The following GUCY2C variants were observed in gnomAD, a reference collection of about 807,000 sequenced individuals.
The protein encoded by GUCY2C is guanylate cyclase 2C, also known as guanylyl cyclase C.
In GUCY2C, 118 loss-of-function variants were observed where a neutral mutation model predicts 131.1. The observed-to-expected ratio is 0.90, with a 90% confidence interval of 0.78 to 1.05. The LOEUF is 1.05. Ranked by LOEUF, GUCY2C falls within the 50% of genes least tolerant of loss-of-function variation. The pLI, the probability that GUCY2C is intolerant of heterozygous loss-of-function variation, is 0.00. For synonymous variants in GUCY2C, 452 were observed against 457.8 expected, an observed-to-expected ratio of 0.99 and a Z score of 0.16; for missense variants, 1,161 against 1,304.4, an observed-to-expected ratio of 0.89 and a Z score of 1.69.
At chr12:14,639,283 G>A (rs1284866332) in intron 19 of GUCY2C, among the ~76,000 whole-genome samples, 1 of 125,632 alleles carries the variant, frequency 8.0e-6, no homozygotes, top group Non-Finnish European at 1.6e-5. Context: ...CAGAGTGACA[G>A]AGCAAGACTC....
intron 12 of GUCY2C, among the ~76,000 whole-genome samples, chr12:14,654,313 C>T (rs1205980165): frequency 6.6e-6 from 1 of 152,154 alleles, no homozygotes; most frequent in African/African-American, 2.4e-5. Flanking sequence ...TGAACCACTA[C>T]CTGTCTGGTT....
rs574187851 is a variant in GUCY2C, at chr12:14,651,818, T to C, written c.1605+141A>G. 1.2e-5 allele frequency: 7 copies of C among 587,268 alleles called. No individual in the cohort carries two copies. In the East Asian group the frequency reaches 2.0e-4, roughly 17 times the overall value. 36.4% of individuals were successfully genotyped at this position (587,268 alleles called of 1,614,324 possible). On this transcript the variant is annotated intron_variant, in intron 14 of 26. Transcript: ENST00000261170. ...AACCTCACTTTCCAATATCTCTTGG[T>C]AGAATTTTCAACAAGAAATATAGTC...
chr12:14,622,152 T>C lies in GUCY2C; in HGVS notation c.2454A>G (p.Glu818=), dbSNP rs140108157. 1.3e-4 allele frequency: 209 copies of C among 1,594,486 alleles called. No individual in the cohort carries two copies. The highest frequency in any genetic ancestry group is 1.1e-3 in the African/African-American group (83 of 74,016). ...AGTAGATTGTAACTTCCTCATATAG[T>C]TCCGGCTCCACAAAGCCTTTCTCCT... ...SLKEKGFVEP[E]LYEEVTIYFS... The change falls in exon 22 of 27, where the codon GAA becomes GAG. Residue 818 remains glutamate (E), a synonymous_variant. Coordinates refer to ENST00000261170, the MANE Select transcript of GUCY2C (RefSeq NM_004963.4).
At chr12:14,634,372 A>G (rs371528326) in intron 19 of GUCY2C, among the ~76,000 whole-genome samples, 1 of 152,336 alleles carries the variant, frequency 6.6e-6, no homozygotes, top group African/African-American at 2.4e-5. Context: ...CCTCCCCTAC[A>G]AGAAATGCTT....
chr12:14,683,340 G>C, intron 3 of GUCY2C, 83 bp from the exon 4 acceptor site: 1 of 808,248 alleles, frequency 1.2e-6, no homozygotes, highest in Non-Finnish European at 2.1e-6. Context: ...ACCTGTTTCA[G>C]CATGTATGTA....
At chr12:14,682,465 C>A (rs1287655935) in intron 4 of GUCY2C, among the ~76,000 whole-genome samples, 2 of 152,142 alleles carry the variant, frequency 1.3e-5, no homozygotes, top group Non-Finnish European at 2.9e-5. Context: ...CTGGGGCCTC[C>A]CCAGCTATGC....
chr12:14,622,221 A>T (rs1253933500), intron 21 of GUCY2C, 24 bp from the exon 22 acceptor site: 1 of 1,449,696 alleles, frequency 6.9e-7, no homozygotes, highest in South Asian at 1.5e-5. Flanking sequence ...GGGAAAAAAA[A>T]TGCCTTCAAC....
At chr12:14,681,315 G>C in intron 5 of GUCY2C, 41 bp downstream of exon 5, 1 of 1,589,366 alleles carries the variant, frequency 6.3e-7, no homozygotes, top group African/African-American at 1.3e-5. Flanking sequence ...TAGTCATAAA[G>C]AAGAAGTTAG....
At chr12:14,676,275 A>G (rs1948234654) in intron 7 of GUCY2C, among the ~76,000 whole-genome samples, 1 of 152,232 alleles carries the variant, frequency 6.6e-6, no homozygotes, top group Non-Finnish European at 1.5e-5. Context: ...TTAGTGTCCA[A>G]ATGGAGGCTC....
chr12:14,624,249 T>C (rs1053144033), intron 21 of GUCY2C, among the ~76,000 whole-genome samples: 4 of 152,120 alleles, frequency 2.6e-5, no homozygotes, highest in Non-Finnish European at 5.9e-5. Context: ...GAGACCAGTC[T>C]GGCCAACATG....
At chr12:14,654,816 T>C (rs1160226331) in intron 12 of GUCY2C, among the ~76,000 whole-genome samples, 1 of 152,122 alleles carries the variant, frequency 6.6e-6, no homozygotes, top group Non-Finnish European at 1.5e-5. Context: ...GTGCACACGC[T>C]CCTTCTGAAA....
At chr12:14,687,280 G>C (rs1335650736) in intron 2 of GUCY2C, among the ~76,000 whole-genome samples, 1 of 152,176 alleles carries the variant, frequency 6.6e-6, no homozygotes, top group Non-Finnish European at 1.5e-5. Context: ...GGTATTTCTT[G>C]AGGGATACAA....
intron 9 of GUCY2C, among the ~76,000 whole-genome samples, chr12:14,670,783 C>G (rs866151535): frequency 2.6e-5 from 4 of 151,782 alleles, no homozygotes; most frequent in Non-Finnish European, 4.4e-5. Flanking sequence ...CCTCCCCAGC[C>G]TCGCTGGGGA....
chr12:14,670,213 C>T (rs1948077213), intron 9 of GUCY2C, among the ~76,000 whole-genome samples: 1 of 152,156 alleles, frequency 6.6e-6, no homozygotes, highest in African/African-American at 2.4e-5. Context: ...GTGTTTTCCA[C>T]AATATTAAGT....
Position 14,628,777 on chromosome 12 carries a change from GTAAAC to G in GUCY2C, c.2158-45_2158-41del, listed in dbSNP as rs780727015. On this transcript the variant is annotated intron_variant, in intron 19 of 26. Coordinates refer to ENST00000261170, the MANE Select transcript of GUCY2C (RefSeq NM_004963.4). ...AACGGGCAAATTAGCTAAGGGGATA[GTAAAC>G]TAAATCAAGAGAGAATTCTTATTCT... The G allele has an allele frequency of 3.2e-6, 3 of 944,914 alleles. No individual in the cohort carries two copies. The Admixed American group carries it at 5.2e-5, about 16-fold the overall frequency. The allele number at this position is 944,914 out of a possible 1,614,324, so 58.5% of individuals were successfully genotyped here. A position where few individuals can be genotyped will look rare whatever the true frequency, so the allele number is the denominator to read the frequency against.
At chr12:14,646,126 G>A (rs997680656) in intron 15 of GUCY2C, among the ~76,000 whole-genome samples, 1 of 152,076 alleles carries the variant, frequency 6.6e-6, no homozygotes, top group Non-Finnish European at 1.5e-5. Flanking sequence ...ACAAGCCACC[G>A]CGCCCCGCCT....
intron 1 of GUCY2C, among the ~76,000 whole-genome samples, chr12:14,688,287 T>C (rs982091437): frequency 1.3e-5 from 2 of 152,294 alleles, no homozygotes; most frequent in Non-Finnish European, 1.5e-5. Flanking sequence ...AACAGTTTTA[T>C]TGAGGTATAA....
At position 14,656,566 on chromosome 12, in the gene GUCY2C, AG is replaced by A; in HGVS notation, c.1415del (p.Pro472LeufsTer42). On this transcript the variant is annotated frameshift_variant, in exon 12 of 27. Transcript: ENST00000261170. LOFTEE classifies it high-confidence loss of function. ...ELRQKKWSHIPPENIFPLETN... is the reference protein window; with the variant it reads ...ELRQKKWSHIXPENIFPLETN... The stretch of plus-strand genomic sequence containing the variant: ...TCTCCAGAGGAAAGATATTTTCAGG[AG>A]GAATGTGGGACCATTTTTTCTGACG... 1 of 1,605,850 alleles carries A rather than the reference AG, an allele frequency of 6.2e-7. No homozygotes were observed. The highest frequency in any genetic ancestry group is 2.2e-5 in the East Asian group (1 of 44,844).
chr12:14,656,649 T>G, intron 11 of GUCY2C, 32 bp from the exon 12 acceptor site: 1 of 1,028,042 alleles, frequency 9.7e-7, no homozygotes, highest in Non-Finnish European at 1.5e-6. Context: ...TCAATAGGTT[T>G]TTATTAATAT....
Sources: allele counts gnomAD v4.1 joint callset (sites outside exome capture counted in the v4.1 genomes callset), GRCh38; gene constraint gnomAD v4.1.1; transcripts MANE v1.5; gene names NCBI Gene and HGNC (gene_info 2026-07-23, HGNC 2026-07-21).